NEGR1: variants seen among roughly 807,000 people sequenced by gnomAD.
NEGR1 encodes IgLON family member 4.
Under a neutral mutation model 40.9 loss-of-function variants are expected in NEGR1, and 10 were observed. The observed-to-expected ratio is 0.24, with a 90% confidence interval of 0.15 to 0.42. The LOEUF (loss-of-function observed/expected upper bound fraction) is 0.42. NEGR1 is among the 10% of genes least tolerant of loss of function. The probability of loss-of-function intolerance (pLI) is 1.00; values close to 1 mark genes in which losing one functional copy is unlikely to be tolerated. For missense variants in NEGR1, 352 were observed against 438.9 expected (o/e 0.80, Z 1.77); for synonymous variants, 185 against 166.8 (o/e 1.11, Z -0.84).
chr1:72,255,545 T>G (rs12073409), intron 1 of NEGR1, among the ~76,000 whole-genome samples: 3 of 127,840 alleles, frequency 2.3e-5, no homozygotes, highest in East Asian at 4.0e-4. Context: ...TCAAAAATAC[T>G]TCTTTTTTTT....
At position 71,400,894 on chromosome 1, in the gene NEGR1, G is replaced by T. The variant is rs1646242940; in HGVS notation, c.*6552C>A. The T allele has an allele frequency of 6.6e-6, 1 of 152,280 alleles. No individual in the cohort carries two copies. The highest frequency in any genetic ancestry group is 2.1e-4 in the South Asian group (1 of 4,824). 9.4% of individuals were successfully genotyped at this position (152,280 alleles called of 1,614,324 possible). A position where few individuals can be genotyped will look rare whatever the true frequency, so the allele number is the denominator to read the frequency against. ...CTAAAAATACAAAACTTAGCCAGGT[G>T]TGGTGGCACGTGCCTATAATCCCAG... On this transcript the variant is annotated 3_prime_UTR_variant, in exon 7 of 7. Transcript: ENST00000357731.
At chr1:72,279,458 G>A (rs1656172084) in intron 1 of NEGR1, among the ~76,000 whole-genome samples, 1 of 150,612 alleles carries the variant, frequency 6.6e-6, no homozygotes, top group Admixed American at 6.6e-5. Context: ...AAGACACTGT[G>A]AGGAATATGT....
Position 72,233,019 on chromosome 1 carries a change from C to T in NEGR1, c.176+49300G>A, listed in dbSNP as rs1194652384. Among the ~76,000 whole-genome samples the T allele has an allele frequency of 4.6e-5, 7 of 152,230 alleles. No homozygotes were observed. The South Asian group carries it at 1.5e-3, about 32-fold the overall frequency. Reference sequence around the variant, plus strand: ...TCCAGACAGTTATTGGGTAAAGATACCTCTGTCCTATTTTTTCACTCAATT... The same window carrying T: ...TCCAGACAGTTATTGGGTAAAGATATCTCTGTCCTATTTTTTCACTCAATT... On this transcript the variant is annotated intron_variant, in intron 1 of 6. Transcript: ENST00000357731.
chr1:71,815,651 C>T (rs1200672253), intron 2 of NEGR1, among the ~76,000 whole-genome samples: 2 of 151,894 alleles, frequency 1.3e-5, no homozygotes, highest in East Asian at 3.9e-4. Flanking sequence ...ATCTCTTTAC[C>T]ATTATGTATT....
At chr1:72,041,144 T>C (rs1185197699) in intron 1 of NEGR1, among the ~76,000 whole-genome samples, 1 of 152,038 alleles carries the variant, frequency 6.6e-6, no homozygotes, top group Non-Finnish European at 1.5e-5. Context: ...AAATATGCTA[T>C]ATGTATGCCA....
chr1:71,454,720 TG>T (rs1283618790), intron 6 of NEGR1, among the ~76,000 whole-genome samples: 2 of 152,208 alleles, frequency 1.3e-5, no homozygotes, highest in Non-Finnish European at 2.9e-5. Context: ...TATGTAAGCT[TG>T]AACAGATCAC....
chr1:71,895,288 C>T (rs190128376), intron 2 of NEGR1, among the ~76,000 whole-genome samples: 7 of 152,154 alleles, frequency 4.6e-5, no homozygotes, highest in South Asian at 2.1e-4. Flanking sequence ...CATAACCATC[C>T]GTTTAAGTAG....
At chr1:72,027,085 C>A (rs896836189) in intron 1 of NEGR1, among the ~76,000 whole-genome samples, 9 of 152,094 alleles carry the variant, frequency 5.9e-5, no homozygotes, top group Non-Finnish European at 1.3e-4. Flanking sequence ...GTCACCACGC[C>A]TGGCCAATGT....
At chr1:71,793,698 T>C (rs1225948148) in intron 2 of NEGR1, among the ~76,000 whole-genome samples, 3 of 152,068 alleles carry the variant, frequency 2.0e-5, no homozygotes, top group South Asian at 4.1e-4. Context: ...TCCAGTAATA[T>C]ATATAAAAAT....
chr1:71,503,632 C>T (rs1203924117), intron 6 of NEGR1, among the ~76,000 whole-genome samples: 1 of 152,048 alleles, frequency 6.6e-6, no homozygotes, highest in Non-Finnish European at 1.5e-5. Context: ...TAGGGAAGTT[C>T]CCATAGACAG....
chr1:71,525,776 C>T (rs967298703), intron 6 of NEGR1, among the ~76,000 whole-genome samples: 2 of 151,728 alleles, frequency 1.3e-5, no homozygotes, highest in South Asian at 2.1e-4. Flanking sequence ...TAAGGACTTA[C>T]ATTTATAAGT....
In NEGR1 at chr1:71,776,226, A is replaced by G. The variant is rs1481577112; in HGVS notation, c.481T>C (p.Leu161=). ...GAAGGCTCTGGTTTCCCAGTGGCCA[A>G]ACAAGTAAGAGTGACGTTGGTTCCT... The part of the protein sequence containing the change: ...NEGTNVTLTC[L]ATGKPEPSIS... The change falls in exon 3 of 7, where the codon TTG becomes CTG. Residue 161 remains leucine (L), a synonymous_variant. Coordinates refer to ENST00000357731, the MANE Select transcript of NEGR1 (RefSeq NM_173808.3). The G allele has an allele frequency of 1.2e-6, 2 of 1,609,756 alleles. No individual in the cohort carries two copies. Among genetic ancestry groups the G allele is most frequent in the Non-Finnish European group, 1.7e-6 (2 of 1,177,292 alleles).
rs1656146552 is a variant in NEGR1, at chr1:71,766,748, A to G, written c.535+9424T>C. On this transcript the variant is annotated intron_variant, in intron 3 of 6. Coordinates refer to ENST00000357731, the MANE Select transcript of NEGR1 (RefSeq NM_173808.3). ...TTGTAATCCTCAATGTTGGAGGTGGACCTAGCGGGAGGTAACTGGATCATG... is the reference window on the plus strand; with the variant it reads ...TTGTAATCCTCAATGTTGGAGGTGGGCCTAGCGGGAGGTAACTGGATCATG... Among the ~76,000 whole-genome samples the G allele has an allele frequency of 1.3e-5, 2 of 152,150 alleles. 1 individual carries two copies. Among genetic ancestry groups the G allele is most frequent in the South Asian group, 4.1e-4 (2 of 4,826 alleles).
intron 2 of NEGR1, among the ~76,000 whole-genome samples, chr1:71,824,468 G>A (rs1658545628): frequency 6.6e-6 from 1 of 151,794 alleles, no homozygotes. Context: ...ATTATATTGA[G>A]CCTCACTTTT....
At chr1:71,716,058 G>A (rs528797492) in intron 3 of NEGR1, among the ~76,000 whole-genome samples, 7 of 152,220 alleles carry the variant, frequency 4.6e-5, no homozygotes, top group East Asian at 3.9e-4. Flanking sequence ...ACAGTTCTGC[G>A]TTGCTGAGGC....
chr1:71,745,953 A>C (rs1175944996), intron 3 of NEGR1, among the ~76,000 whole-genome samples: 2 of 152,184 alleles, frequency 1.3e-5, no homozygotes, highest in Admixed American at 1.3e-4. Flanking sequence ...AGGAGGAGGA[A>C]ATGCTCTAAA....
intron 1 of NEGR1, among the ~76,000 whole-genome samples, chr1:72,241,072 G>A (rs1002947835): frequency 6.6e-6 from 1 of 151,786 alleles, no homozygotes; most frequent in Non-Finnish European, 1.5e-5. Context: ...GTTTACAAAA[G>A]TGGTTTAACT....
intron 6 of NEGR1, among the ~76,000 whole-genome samples, chr1:71,523,588 G>A (rs1054347748): frequency 6.6e-5 from 10 of 151,858 alleles, no homozygotes; most frequent in Non-Finnish European, 1.0e-4. Context: ...ATGCAAAGTC[G>A]GCTACTGATG....
chr1:72,125,611 A>G (rs1301482828), intron 1 of NEGR1, among the ~76,000 whole-genome samples: 1 of 152,170 alleles, frequency 6.6e-6, no homozygotes, highest in Non-Finnish European at 1.5e-5. Flanking sequence ...ATTACTATAA[A>G]GGGATATACA....
Sources: allele counts gnomAD v4.1 joint callset (sites outside exome capture counted in the v4.1 genomes callset), GRCh38; gene constraint gnomAD v4.1.1; transcripts MANE v1.5; gene names NCBI Gene and HGNC (gene_info 2026-07-23, HGNC 2026-07-21).